SGCZ: variants seen among roughly 807,000 people sequenced by gnomAD.
The protein encoded by SGCZ is zeta-sarcoglycan.
Under a neutral mutation model 41.3 loss-of-function variants are expected in SGCZ, and 40 were observed. The observed-to-expected ratio is 0.97, with a 90% CI of 0.75 to 1.26. The LOEUF (loss-of-function observed/expected upper bound fraction) is 1.26, where lower values mean the gene tolerates loss of function less well. Ranked by LOEUF, SGCZ falls within the 50% of genes most tolerant of loss-of-function variation. The pLI is 0.00. For missense variants in SGCZ, 552 were observed against 369.8 expected, an observed-to-expected ratio of 1.49 and a Z score of -4.04; for synonymous variants, 206 against 137.5, an observed-to-expected ratio of 1.50 and a Z score of -3.49.
chr8:14,472,235 A>G (rs375154940), intron 2 of SGCZ, among the ~76,000 whole-genome samples: 2 of 152,134 alleles, frequency 1.3e-5, no homozygotes, highest in Non-Finnish European at 2.9e-5. Flanking sequence ...AAATGATGGA[A>G]AAACATGAAT....
intron 2 of SGCZ, among the ~76,000 whole-genome samples, chr8:14,502,811 C>T (rs1358224883): frequency 3.3e-5 from 5 of 151,964 alleles, no homozygotes; most frequent in Admixed American, 1.3e-4. Context: ...CAGATGCTGG[C>T]GAGGATGTGG....
At chr8:14,465,910 T>C (rs1022310690) in intron 2 of SGCZ, among the ~76,000 whole-genome samples, 2 of 151,862 alleles carry the variant, frequency 1.3e-5, no homozygotes, top group African/African-American at 4.8e-5. Context: ...GTTACAACAC[T>C]AAGTTACAAT....
At chr8:14,663,957 C>A (rs532443499) in intron 1 of SGCZ, among the ~76,000 whole-genome samples, 1 of 152,246 alleles carries the variant, frequency 6.6e-6, no homozygotes, top group South Asian at 2.1e-4. Context: ...AGACACTTAG[C>A]TGCAGAAATA....
chr8:14,552,576 T>G (rs1324089292), intron 2 of SGCZ, among the ~76,000 whole-genome samples: 2 of 152,066 alleles, frequency 1.3e-5, no homozygotes, highest in Non-Finnish European at 2.9e-5. Context: ...CAACCCCCTT[T>G]TAATTATCCC....
At chr8:15,040,684 T>G (rs775241945) in intron 1 of SGCZ, among the ~76,000 whole-genome samples, 2 of 152,226 alleles carry the variant, frequency 1.3e-5, no homozygotes, top group Non-Finnish European at 2.9e-5. Context: ...TTGATCGTAC[T>G]GCTTTTATTT....
At chr8:14,602,476 G>A (rs886280424) in intron 1 of SGCZ, among the ~76,000 whole-genome samples, 1 of 151,952 alleles carries the variant, frequency 6.6e-6, no homozygotes, top group African/African-American at 2.4e-5. Flanking sequence ...CTTGAACCCA[G>A]GAGTTCAAGG....
At chr8:14,890,994 C>A (rs1804992770) in intron 1 of SGCZ, among the ~76,000 whole-genome samples, 1 of 152,178 alleles carries the variant, frequency 6.6e-6, no homozygotes, top group South Asian at 2.1e-4. Context: ...TCTATTGAGA[C>A]CTATTCCTGA....
chr8:15,147,170 G>T (rs149747167), intron 1 of SGCZ, among the ~76,000 whole-genome samples: 1,549 of 152,208 alleles, frequency 0.01, 8 homozygotes, highest in Non-Finnish European at 0.015. Flanking sequence ...TGGAAAACCT[G>T]CATCATCTAA....
chr8:15,122,877 G>A (rs1041366507), intron 1 of SGCZ, among the ~76,000 whole-genome samples: 1 of 152,126 alleles, frequency 6.6e-6, no homozygotes, highest in Non-Finnish European at 1.5e-5. Context: ...ATGCACAAAT[G>A]TGACATACTG....
At chr8:15,188,203 A>G (rs778392680) in intron 1 of SGCZ, among the ~76,000 whole-genome samples, 4 of 152,168 alleles carry the variant, frequency 2.6e-5, no homozygotes, top group Admixed American at 6.5e-5. Flanking sequence ...TGGGATTTCT[A>G]CAAGTCAAAT....
intron 1 of SGCZ, among the ~76,000 whole-genome samples, chr8:14,769,899 G>A (rs1283272784): frequency 6.7e-6 from 1 of 150,050 alleles, no homozygotes; most frequent in Non-Finnish European, 1.5e-5. Context: ...AACTCGATTG[G>A]ACTCTATCAG....
At chr8:14,204,653 G>C (rs1182725427) in intron 4 of SGCZ, among the ~76,000 whole-genome samples, 3 of 152,004 alleles carry the variant, frequency 2.0e-5, no homozygotes, top group Non-Finnish European at 2.9e-5. Flanking sequence ...CCTCAATATG[G>C]GTGAACACCA....
At chr8:14,140,866 C>T (rs1803347530) in intron 5 of SGCZ, among the ~76,000 whole-genome samples, 1 of 152,170 alleles carries the variant, frequency 6.6e-6, no homozygotes, top group Non-Finnish European at 1.5e-5. Context: ...ATAGCCAAGA[C>T]AATCCTAAGC....
At chr8:14,710,209 A>T (rs1220899505) in intron 1 of SGCZ, among the ~76,000 whole-genome samples, 1 of 131,880 alleles carries the variant, frequency 7.6e-6, no homozygotes, top group South Asian at 2.5e-4. Flanking sequence ...ACTAAAAAAA[A>T]CAAAAAAAAA....
intron 1 of SGCZ, among the ~76,000 whole-genome samples, chr8:14,846,978 A>G (rs1297596992): frequency 6.6e-6 from 1 of 152,072 alleles, no homozygotes; most frequent in Non-Finnish European, 1.5e-5. Flanking sequence ...AGGCTGAGGC[A>G]GGAGAATTGC....
chr8:14,711,598 TAAAAA>T (rs200467876), intron 1 of SGCZ, among the ~76,000 whole-genome samples: 4,140 of 80,272 alleles, frequency 0.052, 209 homozygotes, highest in African/African-American at 0.18. Flanking sequence ...TGAGACTCTG[TAAAAA>T]AAAAAAAAAA....
chr8:15,134,940 T>G (rs538615984), intron 1 of SGCZ, among the ~76,000 whole-genome samples: 2 of 151,520 alleles, frequency 1.3e-5, no homozygotes, highest in South Asian at 4.2e-4. Context: ...ACAATAGTTT[T>G]TCAAGCAATG....
At chr8:14,996,978 G>T (rs976168545) in intron 1 of SGCZ, among the ~76,000 whole-genome samples, 23 of 152,262 alleles carry the variant, frequency 1.5e-4, no homozygotes, top group Admixed American at 1.3e-4. Context: ...TAAGGAAGAC[G>T]CTCTTTTGTG....
chr8:14,667,642 A>T (rs1452331670), intron 1 of SGCZ, among the ~76,000 whole-genome samples: 1 of 152,218 alleles, frequency 6.6e-6, no homozygotes, highest in Admixed American at 6.5e-5. Flanking sequence ...AAGATACTTA[A>T]AAATCTAATG....
Sources: allele counts gnomAD v4.1 joint callset (sites outside exome capture counted in the v4.1 genomes callset), GRCh38; gene constraint gnomAD v4.1.1; transcripts MANE v1.5; gene names NCBI Gene and HGNC (gene_info 2026-07-23, HGNC 2026-07-21).